Variants in DNAH14 observed in about 807,000 individuals in gnomAD.
DNAH14 encodes the protein axonemal beta dynein heavy chain 14.
Under a neutral mutation model 520.9 loss-of-function variants are expected in DNAH14, and 478 were observed. That is an observed-to-expected ratio of 0.92 (90% confidence interval 0.85 to 0.99). The LOEUF (loss-of-function observed/expected upper bound fraction) is 0.99. Among genes scored for constraint, DNAH14 ranks in the 50% least tolerant of loss-of-function variants. The pLI, the probability that DNAH14 is intolerant of heterozygous loss-of-function variation, is 0.00. For missense variants in DNAH14, 4,831 were observed against 5,234.5 expected (o/e 0.92, Z 2.38); for synonymous variants, 1,581 against 1,757.2 (o/e 0.90, Z 2.51).
chr1:225,223,662 C>T (rs1459310659), intron 41 of DNAH14, among the ~76,000 whole-genome samples: 3 of 152,082 alleles, frequency 2.0e-5, no homozygotes, highest in Non-Finnish European at 2.9e-5. Flanking sequence ...GGCCTCTAGT[C>T]GTTATTGACT....
intron 36 of DNAH14, among the ~76,000 whole-genome samples, chr1:225,170,777 C>G (rs2082545752): frequency 1.3e-5 from 2 of 152,208 alleles, no homozygotes; most frequent in South Asian, 4.1e-4. Flanking sequence ...ACCTAATAGA[C>G]ATCTACAAAA....
At chr1:225,228,013 AG>A (rs2090714575) in intron 41 of DNAH14, among the ~76,000 whole-genome samples, 1 of 152,162 alleles carries the variant, frequency 6.6e-6, no homozygotes, top group Non-Finnish European at 1.5e-5. Flanking sequence ...CATGGTATTA[AG>A]GAGAAAATCT....
intron 60 of DNAH14, among the ~76,000 whole-genome samples, chr1:225,317,669 CA>C: frequency 6.6e-6 from 1 of 152,130 alleles, no homozygotes. Flanking sequence ...TACTGCTTAT[CA>C]AGTATACTCA....
At chr1:225,074,738 T>A (rs1199513403) in intron 17 of DNAH14, among the ~76,000 whole-genome samples, 2 of 152,146 alleles carry the variant, frequency 1.3e-5, no homozygotes, top group Non-Finnish European at 2.9e-5. Context: ...CCCTTCCACC[T>A]CCAGTCAGTT....
In DNAH14 at chr1:225,043,061, CA is replaced by C; in HGVS notation, c.1719del (p.Ala574ProfsTer42). ...VKKHSSEELL[P>X]KAKKSKEISY... The stretch of plus-strand genomic sequence containing the variant: ...AAACACTCAAGTGAAGAATTGCTCC[CA>C]AAAGCCAAGAAATCAAAAGAAATTA... On this transcript the variant is annotated frameshift_variant, in exon 13 of 86. Transcript: ENST00000682510. LOFTEE classifies it high-confidence loss of function. The C allele has an allele frequency of 1.3e-6, 2 of 1,551,198 alleles. No homozygotes were observed. The highest frequency in any genetic ancestry group is 2.4e-5 in the South Asian group (2 of 83,988).
At chr1:224,990,885 T>C (rs149943325) in intron 8 of DNAH14, among the ~76,000 whole-genome samples, 1 of 152,272 alleles carries the variant, frequency 6.6e-6, no homozygotes, top group East Asian at 1.9e-4. Flanking sequence ...GTTTTCCATA[T>C]GGCTGTACTA....
chr1:225,010,887 G>T (rs2064664449), intron 10 of DNAH14, among the ~76,000 whole-genome samples: 1 of 151,812 alleles, frequency 6.6e-6, no homozygotes, highest in African/African-American at 2.4e-5. Flanking sequence ...TTGTATAGAG[G>T]TATTTATAGT....
At position 225,082,641 on chromosome 1, in the gene DNAH14, T is replaced by C; in HGVS notation, c.3229T>C (p.Cys1077Arg). ...TATCATTATAGCTCTGGGAAATCCC[T>C]GTCTCAAGCCAAGGCATTGGGAGGC... The part of the protein sequence containing the change: ...LPIIIALGNP[C>R]LKPRHWEALQ... The change falls in exon 20 of 86, where the codon TGT becomes CGT. Residue 1077 changes from cysteine (C) to arginine (R), a missense_variant. Transcript: ENST00000682510. 6.4e-7 allele frequency: 1 copy of C among 1,551,628 alleles called. No individual in the cohort carries two copies. Among genetic ancestry groups the C allele is most frequent in the African/African-American group, 1.4e-5 (1 of 73,184 alleles).
intron 41 of DNAH14, among the ~76,000 whole-genome samples, chr1:225,218,553 AAG>A (rs1357755212): frequency 3.3e-5 from 5 of 152,208 alleles, no homozygotes; most frequent in Non-Finnish European, 7.4e-5. Flanking sequence ...CAAAGCTCCA[AAG>A]AGACAAAGAA....
At position 225,124,797 on chromosome 1, in the gene DNAH14, G is replaced by T. The variant is rs183415626; in HGVS notation, c.4254+1183G>T. On this transcript the variant is annotated intron_variant, in intron 27 of 85. Coordinates refer to ENST00000682510, the MANE Select transcript of DNAH14 (RefSeq NM_001367479.1). Reference sequence around the variant, plus strand: ...CTAGGATGGTGAATCCTTTCCAGAAGGTTTTCTATTTACTTTGCCTAGATC... The same window carrying T: ...CTAGGATGGTGAATCCTTTCCAGAATGTTTTCTATTTACTTTGCCTAGATC... Among the ~76,000 whole-genome samples, 37 of 149,196 alleles carry T rather than the reference G, an allele frequency of 2.5e-4. 1 individual carries two copies. The East Asian group carries it at 7.0e-3, about 28-fold the overall frequency.
In DNAH14 at chr1:225,377,399, A is replaced by G. The variant is rs1406660063; in HGVS notation, c.12679A>G (p.Met4227Val). The change falls in exon 79 of 86, where the codon ATG becomes GTG. Residue 4227 changes from methionine to valine, a missense_variant. Coordinates refer to ENST00000682510, the MANE Select transcript of DNAH14 (RefSeq NM_001367479.1). ...GEKFIENLIA[M>V]QPKTTTANLM... ...AAAGTTTATTGAAAATCTGATTGCC[A>G]TGCAACCAAAAACTACCACTGCCAA... is the stretch of plus-strand genomic sequence containing the variant. The G allele has an allele frequency of 7.7e-6, 12 of 1,550,990 alleles. No individual in the cohort carries two copies. The highest frequency in any genetic ancestry group is 3.6e-5 in the South Asian group (3 of 83,952).
chr1:225,038,290 G>T (rs1244224341), intron 11 of DNAH14, among the ~76,000 whole-genome samples: 1 of 152,056 alleles, frequency 6.6e-6, no homozygotes, highest in Admixed American at 6.5e-5. Context: ...TTGAGACAGG[G>T]TGTCACTCTG....
chr1:225,389,777 A>T lies in DNAH14; in HGVS notation c.13234A>T (p.Thr4412Ser). The change falls in exon 83 of 86, where the codon ACT (threonine) becomes TCT (serine). Residue 4412 changes from threonine (T) to serine (S), a missense_variant. Physicochemically the swap from Thr to Ser is moderately conservative, Grantham distance 58. Transcript: ENST00000682510. ...AGTTTGGAAGCAGTCTATTCCATCA[A>T]CTAGCCAAAAATGCAAACACCCTGA... ...VTVWKQSIPS[T>S]SQKCKHPEDS... is the part of the protein sequence containing the mutation. 1 of 1,552,224 alleles carries T rather than the reference A, an allele frequency of 6.4e-7. No individual in the cohort carries two copies. Among genetic ancestry groups the T allele is most frequent in the Non-Finnish European group, 8.7e-7 (1 of 1,147,106 alleles).
At position 225,043,868 on chromosome 1, in the gene DNAH14, T is replaced by C; in HGVS notation, c.1815-18T>C. ...ATTATATTCCTCTGAAATATGCTTT[T>C]ATTGTTTTCTCTGTTAGATTTCCAG... On this transcript the variant is annotated intron_variant, in intron 14 of 85. Coordinates refer to ENST00000682510, the MANE Select transcript of DNAH14 (RefSeq NM_001367479.1). 1.3e-6 allele frequency: 2 copies of C among 1,496,424 alleles called. No individual in the cohort carries two copies. The highest frequency in any genetic ancestry group is 1.8e-6 in the Non-Finnish European group (2 of 1,102,060). The allele number at this position is 1,496,424 out of a possible 1,614,324, so 92.7% of individuals were successfully genotyped here.
chr1:225,005,727 ATATT>A (rs1297324538), intron 9 of DNAH14, among the ~76,000 whole-genome samples: 7 of 152,132 alleles, frequency 4.6e-5, no homozygotes, highest in Non-Finnish European at 8.8e-5. Context: ...ACATATCTGT[ATATT>A]TATTAATGAA....
intron 27 of DNAH14, among the ~76,000 whole-genome samples, chr1:225,133,573 A>G (rs75146369): frequency 2.0e-5 from 3 of 151,968 alleles, no homozygotes; most frequent in Non-Finnish European, 4.4e-5. Context: ...CTGTTCTGTT[A>G]CATTGGTCTA....
At position 225,240,605 on chromosome 1, in the gene DNAH14, A is replaced by G. The variant is rs1053983774; in HGVS notation, c.6531A>G (p.Thr2177=). ...FKDIEKRDEN[T]WYPEKNPDKL... ...CTGTCTACCCCAGGGATGAAAATAC[A>G]TGGTATCCAGAGAAAAATCCTGATA... is the stretch of plus-strand genomic sequence containing the variant. The change falls in exon 43 of 86, where the codon ACA becomes ACG. Residue 2177 remains threonine (T), a synonymous_variant. Transcript: ENST00000682510. The G allele has an allele frequency of 1.6e-5, 25 of 1,547,188 alleles. No individual in the cohort carries two copies. The highest frequency in any genetic ancestry group is 2.2e-5 in the Non-Finnish European group (25 of 1,143,548).
chr1:225,125,002 G>A (rs919707684), intron 27 of DNAH14, among the ~76,000 whole-genome samples: 5 of 152,142 alleles, frequency 3.3e-5, no homozygotes, highest in Admixed American at 3.3e-4. Flanking sequence ...TGGGTGACTG[G>A]ATGTGTTGTT....
At position 225,060,956 on chromosome 1, in the gene DNAH14, G is replaced by T. The variant is rs533411820; in HGVS notation, c.2424+9161G>T. On this transcript the variant is annotated intron_variant, in intron 17 of 85. Transcript: ENST00000682510. ...CTACCTCCCAGTTAGGCTACTTGGG[G>T]GTCAGGGAACCACTTGAGGAGGCAG... 1.4e-3 allele frequency among the ~76,000 whole-genome samples: 169 copies of T among 122,634 alleles called. 2 individuals are homozygous for T. The highest frequency in any genetic ancestry group is 0.011 in the Admixed American group (120 of 11,264). The allele number at this position is 122,634 out of a possible 152,430, so 80.5% of individuals were successfully genotyped here. A position where few individuals can be genotyped will look rare whatever the true frequency, so the allele number is the denominator to read the frequency against.
Sources: allele counts gnomAD v4.1 joint callset (sites outside exome capture counted in the v4.1 genomes callset), GRCh38; gene constraint gnomAD v4.1.1; transcripts MANE v1.5; gene names NCBI Gene and HGNC (gene_info 2026-07-23, HGNC 2026-07-21).